Variants in SLC19A3 observed in about 807,000 individuals in gnomAD.
SLC19A3 encodes the protein thiamine transporter 2.
In SLC19A3, 31 loss-of-function variants were observed where a neutral mutation model predicts 40.2. That is an observed-to-expected ratio of 0.77 (90% CI 0.58 to 1.04). SLC19A3 has a LOEUF of 1.04. Ranked by LOEUF, SLC19A3 falls within the 50% of genes least tolerant of loss-of-function variation. The probability of loss-of-function intolerance (pLI) is 0.00; values close to 1 mark genes in which losing one functional copy is unlikely to be tolerated. For missense variants in SLC19A3, 592 were observed against 596.7 expected (o/e 0.99, Z 0.08); for synonymous variants, 212 against 227.5 (o/e 0.93, Z 0.61).
chr2:227,699,527 T>C lies in SLC19A3; in HGVS notation c.188A>G (p.Tyr63Cys). The C allele has an allele frequency of 6.2e-7, 1 of 1,614,090 alleles. No homozygotes were observed. Among genetic ancestry groups the C allele is most frequent in the South Asian group, 1.1e-5 (1 of 91,078 alleles). ...AAACACAGGCAGCAGCAGCACCAGG[T>C]AGGAGTATGTCCAAACGGGGAAGAT... ...NEIFPVWTYS[Y>C]LVLLLPVFVL... Residue 63 changes from tyrosine to cysteine, a missense_variant, in exon 3 of 6, where the codon TAC (tyrosine) becomes TGC (cysteine). Tyr to Cys is a radical substitution (Grantham distance 194). Transcript: ENST00000644224.
intron 4 of SLC19A3, among the ~76,000 whole-genome samples, chr2:227,693,244 A>G (rs550723435): frequency 6.6e-6 from 1 of 152,210 alleles, no homozygotes; most frequent in Non-Finnish European, 1.5e-5. Flanking sequence ...AGTCAAAGCT[A>G]TCCTAAGCAA....
chr2:227,714,673 T>A, intron 1 of SLC19A3: 2 of 809,060 alleles, frequency 2.5e-6, no homozygotes, highest in Non-Finnish European at 3.0e-6. Context: ...CCCACCCTCT[T>A]CTGCAGCCGA....
Position 227,703,507 on chromosome 2 carries a change from G to A in SLC19A3, c.-2-1187C>T, listed in dbSNP as rs1574567840. On this transcript the variant is annotated intron_variant, in intron 1 of 5. Transcript: ENST00000644224. The surrounding 1 kb of genome is among the most constrained non-coding windows in gnomAD (Gnocchi z 4.7). ...CCTTGATTAAGCAGTGGAGAGACAA[G>A]AGCGATCAGATTTTGAAACTAGGAT... Among the ~76,000 whole-genome samples the A allele has an allele frequency of 6.6e-6, 1 of 152,294 alleles. No individual in the cohort carries two copies. Among genetic ancestry groups the A allele is most frequent in the East Asian group, 1.9e-4 (1 of 5,172 alleles).
At chr2:227,717,884 G>C (rs939515968) in intron 1 of SLC19A3, 59 bp downstream of exon 1, 1 of 982,906 alleles carries the variant, frequency 1.0e-6, no homozygotes, top group African/African-American at 1.7e-5. Flanking sequence ...AGGCGACACT[G>C]CTAAGACCGA....
At chr2:227,693,198 T>G (rs1044920577) in intron 4 of SLC19A3, among the ~76,000 whole-genome samples, 28 of 152,098 alleles carry the variant, frequency 1.8e-4, no homozygotes, top group Admixed American at 1.2e-3. Context: ...AAAAAGCAAT[T>G]CTAAAATTTA....
At chr2:227,708,324 C>T (rs567017943) in intron 1 of SLC19A3, among the ~76,000 whole-genome samples, 1 of 152,098 alleles carries the variant, frequency 6.6e-6, no homozygotes, top group Non-Finnish European at 1.5e-5. Flanking sequence ...TTTTATGCAA[C>T]CTATTACACA....
At chr2:227,712,040 ACT>A (rs948452991) in intron 1 of SLC19A3, among the ~76,000 whole-genome samples, 3 of 106,120 alleles carry the variant, frequency 2.8e-5, no homozygotes, top group Non-Finnish European at 5.5e-5. Context: ...ACAGAATGAA[ACT>A]CTGTCTCCAA....
rs968357478 is a variant in SLC19A3 at position 227,700,843 on chromosome 2, A to G, written c.151-1279T>C. 5 of 1,004,982 alleles carry G rather than the reference A, an allele frequency of 5.0e-6. No individual in the cohort carries two copies. The African/African-American group carries it at 5.0e-5, about 10-fold the overall frequency. 62.3% of individuals were successfully genotyped at this position (1,004,982 alleles called of 1,614,324 possible). ...ATGGGATCTCAATTTTCACAGTTGG[A>G]AGGACTGGAGTTGCTGATCTGTAGG... On this transcript the variant is annotated intron_variant, in intron 2 of 5. Coordinates refer to ENST00000644224, the MANE Select transcript of SLC19A3 (RefSeq NM_025243.4).
At chr2:227,709,171 T>G (rs1696053527) in intron 1 of SLC19A3, among the ~76,000 whole-genome samples, 1 of 152,086 alleles carries the variant, frequency 6.6e-6, no homozygotes, top group African/African-American at 2.4e-5. Flanking sequence ...GGTAAACAAC[T>G]GTTAAAAAGC....
intron 1 of SLC19A3, among the ~76,000 whole-genome samples, chr2:227,714,105 TTGTA>T (rs1192506690): frequency 6.6e-6 from 1 of 152,202 alleles, no homozygotes; most frequent in African/African-American, 2.4e-5. Flanking sequence ...AAATCTTTGT[TTGTA>T]TGTAGATTAT....
intron 4 of SLC19A3, among the ~76,000 whole-genome samples, chr2:227,693,779 G>A (rs1695321432): frequency 6.6e-6 from 1 of 152,054 alleles, no homozygotes; most frequent in Admixed American, 6.6e-5. Flanking sequence ...GCCAAGGAAA[G>A]AGGCCACCCA....
intron 1 of SLC19A3, among the ~76,000 whole-genome samples, chr2:227,710,230 T>C (rs1398417475): frequency 6.6e-6 from 1 of 152,132 alleles, no homozygotes; most frequent in East Asian, 1.9e-4. Flanking sequence ...CACTCCTTTC[T>C]ACTAATCATT....
At chr2:227,702,401 T>G (rs537603974) in intron 1 of SLC19A3, 81 bp from the exon 2 acceptor site, 15 of 1,476,138 alleles carry the variant, frequency 1.0e-5, no homozygotes, top group Middle Eastern at 1.8e-4. Context: ...CCTGATTTTT[T>G]TTTTTTTTTT....
chr2:227,706,075 C>T (rs756316240), intron 1 of SLC19A3, among the ~76,000 whole-genome samples: 46 of 151,848 alleles, frequency 3.0e-4, no homozygotes, highest in South Asian at 2.1e-4. Flanking sequence ...AGAAAAAATG[C>T]ACTAAATATG....
chr2:227,706,272 C>A, intron 1 of SLC19A3: 1 of 1,228,770 alleles, frequency 8.1e-7, no homozygotes, highest in East Asian at 3.2e-5. Context: ...TCCACTGCTT[C>A]TAAGGTGAGG....
At position 227,687,479 on chromosome 2, in the gene SLC19A3, A is replaced by C. The variant is rs1049927448; in HGVS notation, c.1409T>G (p.Val470Gly). Residue 470 changes from valine (V) to glycine (G), a missense_variant, in exon 6 of 6, where the codon GTA becomes GGA. Transcript: ENST00000644224. Reference sequence around the variant, plus strand: ...ATTCTCACTTGGAGCAGGGCTCTGTACATCCTTCTGGGATTTGGTTGAGTA... The same window carrying C: ...ATTCTCACTTGGAGCAGGGCTCTGTCCATCCTTCTGGGATTTGGTTGAGTA... ...ITYSTKSQKD[V>G]QSPAPSENPD... 2.0e-5 allele frequency: 32 copies of C among 1,614,044 alleles called. No homozygotes were observed. The highest frequency in any genetic ancestry group is 2.6e-5 in the Non-Finnish European group (31 of 1,180,000).
In SLC19A3 at chr2:227,710,062, C is replaced by T. The variant is rs13392553; in HGVS notation, c.-2-7742G>A. ...TGCACAGTTCACAGTAGGATTTGCA[C>T]TTCCAGGAGAATCTAATGCCGCCAC... On this transcript the variant is annotated intron_variant, in intron 1 of 5. Coordinates refer to ENST00000644224, the MANE Select transcript of SLC19A3 (RefSeq NM_025243.4). Among the ~76,000 whole-genome samples the T allele has an allele frequency of 9.2e-3, 1,396 of 152,218 alleles. 21 individuals carry two copies. The highest frequency in any genetic ancestry group is 0.031 in the African/African-American group (1,297 of 41,538).
chr2:227,700,997 A>C, intron 2 of SLC19A3: 1 of 1,304,228 alleles, frequency 7.7e-7, no homozygotes, highest in Non-Finnish European at 1.0e-6. Context: ...CCTTGGAGGG[A>C]AGGTCTGTTA....
chr2:227,705,853 C>T (rs560385875), intron 1 of SLC19A3, among the ~76,000 whole-genome samples: 1 of 152,036 alleles, frequency 6.6e-6, no homozygotes, highest in East Asian at 1.9e-4. Context: ...CACATGTACC[C>T]CAGAACTTAA....
Sources: allele counts gnomAD v4.1 joint callset (sites outside exome capture counted in the v4.1 genomes callset), GRCh38; gene constraint gnomAD v4.1.1; non-coding constraint Gnocchi (gnomAD v3.1); transcripts MANE v1.5; gene names NCBI Gene and HGNC (gene_info 2026-07-23, HGNC 2026-07-21).